The following TCP11L1 variants were observed in gnomAD, a reference collection of about 807,000 sequenced individuals.
TCP11L1 encodes the protein t-complex 11 like 1.
TCP11L1 carries 28 observed loss-of-function variants against 48.9 expected under a neutral mutation model. That is an observed-to-expected ratio of 0.57 (90% confidence interval 0.42 to 0.78). TCP11L1 has a LOEUF of 0.78. Ranked by LOEUF, TCP11L1 falls within the 30% of genes least tolerant of loss-of-function variation. TCP11L1 has a pLI of 0.00. For synonymous variants in TCP11L1, 204 were observed against 231.9 expected (o/e 0.88, Z 1.09); for missense variants, 505 against 613.4 (o/e 0.82, Z 1.87).
Position 33,054,740 on chromosome 11 carries a change from A to G in TCP11L1, c.296+15A>G, listed in dbSNP as rs1379771459. On this transcript the variant is annotated intron_variant, in intron 3 of 9. Coordinates refer to ENST00000334274, the MANE Select transcript of TCP11L1 (RefSeq NM_018393.4). ...CCAGAAAACAGGTAAGGTGGTTGCT[A>G]AATTATCTTGCTTAGTAGAACACTG... The G allele has an allele frequency of 2.7e-5, 43 of 1,609,418 alleles. No individual in the cohort carries two copies. The highest frequency in any genetic ancestry group is 3.6e-5 in the Non-Finnish European group (42 of 1,178,140).
At chr11:33,042,285 A>G (rs1322646401) in intron 1 of TCP11L1, among the ~76,000 whole-genome samples, 3 of 152,102 alleles carry the variant, frequency 2.0e-5, no homozygotes, top group Non-Finnish European at 4.4e-5. Flanking sequence ...CACCGCCACC[A>G]TGCCAGGCCA....
rs919038273 is a variant in TCP11L1, at chr11:33,057,194, G to A, written c.376G>A (p.Ala126Thr). 3 of 1,614,046 alleles carry A rather than the reference G, an allele frequency of 1.9e-6. No homozygotes were observed. Among genetic ancestry groups the A allele is most frequent in the Admixed American group, 1.7e-5 (1 of 59,996 alleles). Residue 126 changes from alanine to threonine, a missense_variant, in exon 4 of 10, where the codon GCA becomes ACA. Ala to Thr is a moderately conservative substitution (Grantham distance 58). Around this residue, in one of 3 missense-constraint regions of TCP11L1, gnomAD observed 168 missense variants for 183.5 expected, o/e 0.92. Coordinates refer to ENST00000334274, the MANE Select transcript of TCP11L1 (RefSeq NM_018393.4). Reference protein sequence around the residue: ...LSVQLSEDPPAYDHAIKLVGE... With the variant: ...LSVQLSEDPPTYDHAIKLVGE... The stretch of plus-strand genomic sequence containing the variant: ...TGTGCAGCTAAGTGAAGATCCCCCA[G>A]CATATGACCATGCTATCAAACTTGT...
chr11:33,040,557 T>C (rs746884228), intron 1 of TCP11L1: 1 of 152,210 alleles, frequency 6.6e-6, no homozygotes, highest in Non-Finnish European at 1.5e-5. Context: ...GGGTGTCTAT[T>C]TGGGGGATAT....
intron 3 of TCP11L1, among the ~76,000 whole-genome samples, chr11:33,055,857 G>A (rs1854293425): frequency 6.6e-6 from 1 of 152,072 alleles, no homozygotes; most frequent in African/African-American, 2.4e-5. Context: ...TCGCTCTGTC[G>A]CCCAAGCTGG....
Position 33,068,804 on chromosome 11 carries a change from C to G in TCP11L1, c.1272C>G (p.Leu424=). 2.5e-6 allele frequency: 4 copies of G among 1,614,122 alleles called. No homozygotes were observed. The highest frequency in any genetic ancestry group is 1.1e-5 in the South Asian group (1 of 91,076). ...SPFTTDKETV[L]KGQIQAVASP... is the part of the protein sequence containing the mutation. ...TCACCACGGACAAGGAGACCGTGCT[C>G]AAGGGCCAGATCCAGGCCGTGGCCA... The change falls in exon 9 of 10, where the codon CTC becomes CTG. Residue 424 remains leucine (L), a synonymous_variant. Coordinates refer to ENST00000334274, the MANE Select transcript of TCP11L1 (RefSeq NM_018393.4).
chr11:33,040,053 G>C (rs983365172), intron 1 of TCP11L1: 2 of 152,224 alleles, frequency 1.3e-5, no homozygotes, highest in African/African-American at 4.8e-5. Flanking sequence ...CGGACGCCGG[G>C]CGCGAGTGGA....
intron 9 of TCP11L1, among the ~76,000 whole-genome samples, chr11:33,070,358 C>T (rs1480006224): frequency 6.6e-6 from 1 of 152,080 alleles, no homozygotes; most frequent in Non-Finnish European, 1.5e-5. Flanking sequence ...AGTGAGGCTG[C>T]CAGCCCTGGG....
rs375655724 is a variant in TCP11L1, at chr11:33,068,670, C to A, written c.1155-17C>A. On this transcript the variant is annotated splice_polypyrimidine_tract_variant and intron_variant, in intron 8 of 9. Transcript: ENST00000334274. Reference sequence around the variant, plus strand: ...TGTATTTTACTTATAGGCCCTTTCTCCCCTCCTCTGCCCCAGCTCCTTCCA... The same window carrying A: ...TGTATTTTACTTATAGGCCCTTTCTACCCTCCTCTGCCCCAGCTCCTTCCA... The A allele has an allele frequency of 1.3e-5, 21 of 1,611,186 alleles. 1 individual carries two copies. The African/African-American group carries it at 2.8e-4, about 22-fold the overall frequency.
intron 6 of TCP11L1, 124 bp from the exon 7 acceptor site, chr11:33,061,406 T>C (rs1360993964): frequency 5.0e-6 from 5 of 990,884 alleles, no homozygotes; most frequent in Non-Finnish European, 7.0e-6. Flanking sequence ...CCAAGTTTTA[T>C]TTGATTCCAA....
intron 6 of TCP11L1, 138 bp downstream of exon 6, chr11:33,059,233 C>A: frequency 1.7e-6 from 2 of 1,204,982 alleles, no homozygotes; most frequent in Non-Finnish European, 2.3e-6. Context: ...GAAGGAAAAG[C>A]ACAAAATGTT....
At chr11:33,047,771 G>A (rs1175213283) in intron 2 of TCP11L1, among the ~76,000 whole-genome samples, 5 of 152,192 alleles carry the variant, frequency 3.3e-5, no homozygotes, top group African/African-American at 1.2e-4. Context: ...GCAGGCTAGC[G>A]ACCAGGAAGA....
intron 2 of TCP11L1, among the ~76,000 whole-genome samples, chr11:33,051,735 C>T (rs1026371076): frequency 6.6e-6 from 1 of 152,078 alleles, no homozygotes; most frequent in Non-Finnish European, 1.5e-5. Flanking sequence ...CATGAGCCAC[C>T]GTGCCCGGCC....
At chr11:33,055,621 ATTG>A (rs896302040) in intron 3 of TCP11L1, among the ~76,000 whole-genome samples, 18 of 152,302 alleles carry the variant, frequency 1.2e-4, no homozygotes, top group Non-Finnish European at 2.4e-4. Flanking sequence ...GGCAGAGTAT[ATTG>A]TTGCCCTGAA....
rs368057589 is a variant in TCP11L1 at position 33,041,810 on chromosome 11, T to C, written c.-24-1940T>C. Among the ~76,000 whole-genome samples the C allele has an allele frequency of 7.2e-5, 11 of 152,264 alleles. No individual in the cohort carries two copies. The East Asian group carries it at 2.1e-3, about 29-fold the overall frequency. On this transcript the variant is annotated intron_variant, in intron 1 of 9. Coordinates refer to ENST00000334274, the MANE Select transcript of TCP11L1 (RefSeq NM_018393.4). ...TATTTCAATCCCAGTAACTTCATTC[T>C]ATTTAATGGAGTTCTCTGAAATTTC...
chr11:33,056,634 C>T (rs879685202), intron 3 of TCP11L1: 4 of 231,358 alleles, frequency 1.7e-5, no homozygotes, highest in Admixed American at 5.2e-5. Flanking sequence ...ACTATCTCGG[C>T]TCACTGCAAC....
At chr11:33,051,073 AG>A (rs1471402893) in intron 2 of TCP11L1, among the ~76,000 whole-genome samples, 2 of 152,166 alleles carry the variant, frequency 1.3e-5, no homozygotes, top group African/African-American at 4.8e-5. Flanking sequence ...GGCCTCCCAA[AG>A]GGCTGGGATT....
chr11:33,066,103 C>T (rs1854611067), intron 8 of TCP11L1, 92 bp downstream of exon 8: 1 of 1,484,288 alleles, frequency 6.7e-7, no homozygotes. Flanking sequence ...TAAGGCAGAG[C>T]CCAGGGCCAC....
At chr11:33,062,180 T>C (rs1024498511) in intron 7 of TCP11L1, among the ~76,000 whole-genome samples, 2 of 152,224 alleles carry the variant, frequency 1.3e-5, no homozygotes, top group African/African-American at 4.8e-5. Flanking sequence ...CCTTTTAAAG[T>C]GTACAACTCA....
At chr11:33,059,976 G>A (rs969744953) in intron 6 of TCP11L1, among the ~76,000 whole-genome samples, 12 of 152,172 alleles carry the variant, frequency 7.9e-5, no homozygotes, top group African/African-American at 2.9e-4. Context: ...GATGAGCCAG[G>A]CACCTTTTTT....
Sources: gnomAD v4.1 joint callset for allele counts (sites outside exome capture counted in the v4.1 genomes callset) on GRCh38, gnomAD v4.1.1 for gene constraint, gnomAD v4.1.1 regional missense constraint, MANE v1.5 for transcripts, NCBI Gene and HGNC (gene_info 2026-07-23, HGNC 2026-07-21) for gene names.